The following NELL1 variants were observed in gnomAD, a reference collection of about 807,000 sequenced individuals.
NELL1 encodes the protein neural EGFL like 1.
Under a neutral mutation model 107.4 loss-of-function variants are expected in NELL1, and 76 were observed. That is an observed-to-expected ratio of 0.71 (90% CI 0.59 to 0.86). The LOEUF (loss-of-function observed/expected upper bound fraction) is 0.86. Among genes scored for constraint, NELL1 ranks in the 40% least tolerant of loss-of-function variants. The probability of loss-of-function intolerance (pLI) is 0.00; values close to 1 mark genes in which losing one functional copy is unlikely to be tolerated. For synonymous variants in NELL1, 353 were observed against 341.2 expected (o/e 1.03, Z -0.38); for missense variants, 1,024 against 1,005.5 (o/e 1.02, Z -0.25).
At chr11:20,852,191 C>T (rs1163867430) in intron 4 of NELL1, among the ~76,000 whole-genome samples, 3 of 147,888 alleles carry the variant, frequency 2.0e-5, no homozygotes, top group Non-Finnish European at 2.9e-5. Flanking sequence ...ATGTGTATGG[C>T]ACATACACAC....
At chr11:21,245,460 A>G (rs1011086347) in intron 14 of NELL1, among the ~76,000 whole-genome samples, 8 of 152,158 alleles carry the variant, frequency 5.3e-5, no homozygotes, top group African/African-American at 1.7e-4. Context: ...GGAAGGAAAT[A>G]TCTTTTCTCT....
At chr11:21,174,030 C>T (rs1471631214) in intron 13 of NELL1, among the ~76,000 whole-genome samples, 1 of 151,786 alleles carries the variant, frequency 6.6e-6, no homozygotes, top group Non-Finnish European at 1.5e-5. Flanking sequence ...ATTGTTCTCC[C>T]TGCTTTGCAG....
chr11:21,105,868 C>CTCCTCCCAT (rs1854951775), intron 12 of NELL1, among the ~76,000 whole-genome samples: 1 of 6,448 alleles, frequency 1.6e-4, no homozygotes, highest in Non-Finnish European at 2.9e-4. Flanking sequence ...CCCTCCCCCT[C>CTCCTCCCAT]CCCTTCCTCT....
chr11:20,800,560 T>G (rs1472821285), intron 3 of NELL1, among the ~76,000 whole-genome samples: 1 of 152,198 alleles, frequency 6.6e-6, no homozygotes, highest in Non-Finnish European at 1.5e-5. Context: ...TTTTGCTTGT[T>G]GATGTATTTA....
intron 17 of NELL1, among the ~76,000 whole-genome samples, chr11:21,561,958 A>G (rs1159836343): frequency 6.6e-6 from 1 of 152,078 alleles, no homozygotes; most frequent in Non-Finnish European, 1.5e-5. Flanking sequence ...CCATTCAGCC[A>G]GCAGAATGGG....
intron 14 of NELL1, among the ~76,000 whole-genome samples, chr11:21,307,034 T>A (rs894591277): frequency 3.3e-5 from 5 of 152,042 alleles, no homozygotes; most frequent in African/African-American, 1.2e-4. Flanking sequence ...CCTTTTTCCA[T>A]GATTTCCTAT....
intron 14 of NELL1, among the ~76,000 whole-genome samples, chr11:21,281,407 A>C (rs181596640): frequency 6.6e-6 from 1 of 152,178 alleles, no homozygotes; most frequent in Admixed American, 6.5e-5. Flanking sequence ...TACCAGGTAG[A>C]CTTCTAAGGT....
chr11:20,931,438 G>T (rs998492601), intron 9 of NELL1, among the ~76,000 whole-genome samples: 1 of 152,102 alleles, frequency 6.6e-6, no homozygotes, highest in African/African-American at 2.4e-5. Context: ...TATTTACTTT[G>T]GTTGTCCCTT....
At chr11:21,552,340 A>G (rs1177507945) in intron 16 of NELL1, among the ~76,000 whole-genome samples, 1 of 151,700 alleles carries the variant, frequency 6.6e-6, no homozygotes, top group Non-Finnish European at 1.5e-5. Flanking sequence ...AGGGTTGGTG[A>G]ATGGAGTAGA....
chr11:21,562,146 TTTTA>T (rs1198020897), intron 17 of NELL1, among the ~76,000 whole-genome samples: 4 of 152,072 alleles, frequency 2.6e-5, no homozygotes, highest in Admixed American at 1.3e-4. Flanking sequence ...TCAGTTTTTG[TTTTA>T]TTTAAGCCAT....
intron 13 of NELL1, among the ~76,000 whole-genome samples, chr11:21,151,002 A>T (rs1013743588): frequency 3.3e-5 from 5 of 152,064 alleles, no homozygotes; most frequent in African/African-American, 1.2e-4. Context: ...AAACAACCAG[A>T]TCTCATGAGA....
chr11:20,884,737 T>A (rs1008926008), intron 4 of NELL1, among the ~76,000 whole-genome samples: 2 of 152,196 alleles, frequency 1.3e-5, no homozygotes, highest in Non-Finnish European at 2.9e-5. Flanking sequence ...AGATGAGGAT[T>A]TTCTTCATAT....
intron 15 of NELL1, among the ~76,000 whole-genome samples, chr11:21,384,112 C>T (rs139284936): frequency 4.6e-5 from 7 of 152,072 alleles, no homozygotes; most frequent in African/African-American, 1.7e-4. Flanking sequence ...TACATGACAA[C>T]ATCATCATCT....
chr11:21,287,436 G>C (rs577598361), intron 14 of NELL1, among the ~76,000 whole-genome samples: 3 of 151,994 alleles, frequency 2.0e-5, no homozygotes, highest in African/African-American at 7.3e-5. Flanking sequence ...TTATTCAAAG[G>C]CTTCATTTTT....
chr11:21,277,579 G>T (rs1040629427), intron 14 of NELL1, among the ~76,000 whole-genome samples: 3 of 152,134 alleles, frequency 2.0e-5, no homozygotes, highest in African/African-American at 7.2e-5. Context: ...AAATCTTGCT[G>T]CTATAAAGAC....
intron 15 of NELL1, among the ~76,000 whole-genome samples, chr11:21,395,358 A>G (rs1365960191): frequency 3.3e-5 from 5 of 151,562 alleles, no homozygotes; most frequent in Non-Finnish European, 7.4e-5. Flanking sequence ...ACTGAAACTT[A>G]ATCACATTTA....
rs559490707 is a variant in NELL1 at position 21,340,615 on chromosome 11, C to T, written c.1550-30238C>T. On this transcript the variant is annotated intron_variant, in intron 14 of 19. Coordinates refer to ENST00000357134, the MANE Select transcript of NELL1 (RefSeq NM_006157.5). ...AGGGTGGGCACCTAACCCTTTATGA[C>T]GGGTTACACACACACACACACACAC... Among the ~76,000 whole-genome samples, 74 of 109,564 alleles carry T rather than the reference C, an allele frequency of 6.8e-4. 1 individual carries two copies. The Middle Eastern group carries it at 0.017, about 25-fold the overall frequency. 71.9% of individuals were successfully genotyped at this position (109,564 alleles called of 152,430 possible).
At chr11:21,488,683 C>G (rs533084229) in intron 15 of NELL1, among the ~76,000 whole-genome samples, 31 of 152,176 alleles carry the variant, frequency 2.0e-4, no homozygotes, top group Admixed American at 1.9e-3. Flanking sequence ...TATTCCTAAA[C>G]AACCATTGGG....
intron 13 of NELL1, among the ~76,000 whole-genome samples, chr11:21,175,747 A>G (rs1856698755): frequency 6.6e-6 from 1 of 151,916 alleles, no homozygotes; most frequent in Non-Finnish European, 1.5e-5. Context: ...TTTTTATCAA[A>G]ACAACGATGT....
Sources: allele counts gnomAD v4.1 joint callset (sites outside exome capture counted in the v4.1 genomes callset), GRCh38; gene constraint gnomAD v4.1.1; transcripts MANE v1.5; gene names NCBI Gene and HGNC (gene_info 2026-07-23, HGNC 2026-07-21).